Variants in IYD observed in about 807,000 individuals in gnomAD.
IYD encodes iodotyrosine deiodinase 1.
In IYD, 25 loss-of-function variants were observed where a neutral mutation model predicts 28.4. That is an observed-to-expected ratio of 0.88 (90% confidence interval 0.64 to 1.23). The LOEUF (loss-of-function observed/expected upper bound fraction) is 1.23, where lower values mean the gene tolerates loss of function less well. Ranked by LOEUF, IYD falls within the 50% of genes most tolerant of loss-of-function variation. IYD has a pLI of 0.00. For synonymous variants in IYD, 140 were observed against 130.8 expected (o/e 1.07, Z -0.48); for missense variants, 352 against 357.9 (o/e 0.98, Z 0.13).
At chr6:150,370,218 C>T (rs1324887123) in intron 1 of IYD, among the ~76,000 whole-genome samples, 6 of 142,182 alleles carry the variant, frequency 4.2e-5, no homozygotes, top group South Asian at 2.2e-4. Flanking sequence ...TGTGTGTGTG[C>T]GCGTGCGTGT....
At chr6:150,372,998 A>G (rs1181953772) in intron 1 of IYD, among the ~76,000 whole-genome samples, 1 of 152,210 alleles carries the variant, frequency 6.6e-6, no homozygotes, top group Non-Finnish European at 1.5e-5. Context: ...GCTCAGATTC[A>G]TAGAAGTCCA....
Position 150,398,912 on chromosome 6 carries a change from G to GTA in IYD, c.*676_*677dup, listed in dbSNP as rs1778424319. ...CAAAAAATTAGCTGGGCATGCACTT[G>GTA]TAATTCCAGCTACTCAGGAGGCTGA... On this transcript the variant is annotated 3_prime_UTR_variant, in exon 5 of 5. Transcript: ENST00000344419. 6.6e-6 allele frequency: 1 copy of GTA among 152,272 alleles called. No homozygotes were observed. Among genetic ancestry groups the GTA allele is most frequent in the Admixed American group, 6.6e-5 (1 of 15,264 alleles). The allele number at this position is 152,272 out of a possible 1,614,324, so 9.4% of individuals were successfully genotyped here. A position where few individuals can be genotyped will look rare whatever the true frequency, so the allele number is the denominator to read the frequency against.
At chr6:150,370,316 T>C (rs1430214579) in intron 1 of IYD, among the ~76,000 whole-genome samples, 1 of 151,326 alleles carries the variant, frequency 6.6e-6, no homozygotes, top group African/African-American at 2.4e-5. Flanking sequence ...TGAGTGTGTG[T>C]GCACGAGTGG....
Position 150,400,916 on chromosome 6 carries a change from T to A in IYD, c.*2679T>A, listed in dbSNP as rs1754473886. 3 of 152,172 alleles carry A rather than the reference T, an allele frequency of 2.0e-5. No homozygotes were observed. The highest frequency in any genetic ancestry group is 2.0e-4 in the Admixed American group (3 of 15,278). The allele number at this position is 152,172 out of a possible 1,614,324, so 9.4% of individuals were successfully genotyped here. A position where few individuals can be genotyped will look rare whatever the true frequency, so the allele number is the denominator to read the frequency against. On this transcript the variant is annotated 3_prime_UTR_variant, in exon 5 of 5. Transcript: ENST00000344419. ...AAATCTCATAGGTATAAAAGACAAC[T>A]GGGAATGTTGAATGTGGATCTGGTG...
At chr6:150,369,327 C>A (rs1220910715) in intron 1 of IYD, 118 bp downstream of exon 1, 3 of 940,806 alleles carry the variant, frequency 3.2e-6, no homozygotes, top group African/African-American at 1.6e-5. Flanking sequence ...TCAACATCAA[C>A]CTCTATTGTG....
intron 1 of IYD, among the ~76,000 whole-genome samples, chr6:150,374,896 A>T (rs1449354572): frequency 6.6e-6 from 1 of 152,172 alleles, no homozygotes; most frequent in Non-Finnish European, 1.5e-5. Context: ...CCTAGATTTT[A>T]TGACCTGCTT....
At chr6:150,372,136 T>C (rs1265036284) in intron 1 of IYD, among the ~76,000 whole-genome samples, 3 of 152,220 alleles carry the variant, frequency 2.0e-5, no homozygotes, top group Admixed American at 6.5e-5. Flanking sequence ...AAAATAAGTA[T>C]TGTAGGCCAT....
chr6:150,385,935 T>G (rs181497585), intron 1 of IYD, among the ~76,000 whole-genome samples: 58 of 152,166 alleles, frequency 3.8e-4, no homozygotes, highest in Non-Finnish European at 4.4e-5. Context: ...TCATACTATT[T>G]GTTGAATGAC....
At chr6:150,380,277 T>G (rs559190564) in intron 1 of IYD, among the ~76,000 whole-genome samples, 2 of 152,174 alleles carry the variant, frequency 1.3e-5, no homozygotes, top group Non-Finnish European at 2.9e-5. Flanking sequence ...CCAGAGATTT[T>G]TATTCCACTG....
At position 150,399,662 on chromosome 6, in the gene IYD, A is replaced by T. The variant is rs1778447848; in HGVS notation, c.*1425A>T. 6.6e-6 allele frequency: 1 copy of T among 152,302 alleles called. No homozygotes were observed. Among genetic ancestry groups the T allele is most frequent in the East Asian group, 1.9e-4 (1 of 5,180 alleles). 9.4% of individuals were successfully genotyped at this position (152,302 alleles called of 1,614,324 possible). A position where few individuals can be genotyped will look rare whatever the true frequency, so the allele number is the denominator to read the frequency against. On this transcript the variant is annotated 3_prime_UTR_variant, in exon 5 of 5. Transcript: ENST00000344419. Reference sequence around the variant, plus strand: ...TCCATAGAGTATGTGGCTGATAAACAACAGAAATTTGTTTCTCACAGTTCT... The same window carrying T: ...TCCATAGAGTATGTGGCTGATAAACTACAGAAATTTGTTTCTCACAGTTCT...
At chr6:150,390,750 G>A (rs1240307215) in intron 2 of IYD, among the ~76,000 whole-genome samples, 1 of 152,150 alleles carries the variant, frequency 6.6e-6, no homozygotes. Flanking sequence ...GTTGAGGGAC[G>A]ACACCCAGAT....
intron 3 of IYD, among the ~76,000 whole-genome samples, chr6:150,393,460 T>C (rs658946): frequency 0.89 from 135,438 of 152,256 alleles, 60,371 homozygotes; most frequent in African/African-American, 0.95. Flanking sequence ...TGCTTTGGAA[T>C]GAGGAAGCAT....
intron 1 of IYD, among the ~76,000 whole-genome samples, chr6:150,382,660 C>T (rs1392077655): frequency 1.3e-5 from 2 of 152,168 alleles, no homozygotes; most frequent in African/African-American, 4.8e-5. Context: ...TTTCTCTTTC[C>T]ATGCTACATT....
intron 1 of IYD, among the ~76,000 whole-genome samples, chr6:150,377,901 G>T (rs959034254): frequency 6.6e-6 from 1 of 152,098 alleles, no homozygotes; most frequent in Non-Finnish European, 1.5e-5. Context: ...TTGGCATTTC[G>T]CTGGGCCAGG....
chr6:150,387,565 C>T (rs1777921813), intron 1 of IYD, among the ~76,000 whole-genome samples: 1 of 151,902 alleles, frequency 6.6e-6, no homozygotes, highest in South Asian at 2.1e-4. Flanking sequence ...ATCAAATGAT[C>T]AAATGTATAT....
chr6:150,404,975 A>T lies in IYD; in HGVS notation c.*6738A>T, dbSNP rs1481916539. 6.6e-6 allele frequency: 1 copy of T among 152,230 alleles called. No individual in the cohort carries two copies. The highest frequency in any genetic ancestry group is 6.5e-5 in the Admixed American group (1 of 15,286). The allele number at this position is 152,230 out of a possible 1,614,324, so 9.4% of individuals were successfully genotyped here. A position where few individuals can be genotyped will look rare whatever the true frequency, so the allele number is the denominator to read the frequency against. ...ATGCTGTTATAGCTTCACCAATCAC[A>T]ACAAGCACAGTGCTTGGAACATAAT... On this transcript the variant is annotated 3_prime_UTR_variant, in exon 5 of 5. Coordinates refer to ENST00000344419, the MANE Select transcript of IYD (RefSeq NM_203395.3).
At chr6:150,381,475 G>A (rs1006842454) in intron 1 of IYD, among the ~76,000 whole-genome samples, 6 of 152,098 alleles carry the variant, frequency 3.9e-5, no homozygotes, top group Non-Finnish European at 7.3e-5. Context: ...ATTGTGAAAT[G>A]CACTCACTGA....
rs754408425 is a variant in IYD at position 150,383,793 on chromosome 6, TAAAAAA to T, written c.179-5549_179-5544del. 1.0e-3 allele frequency among the ~76,000 whole-genome samples: 57 copies of T among 57,240 alleles called. 1 individual carries two copies. Among genetic ancestry groups the T allele is most frequent in the East Asian group, 5.4e-3 (12 of 2,212 alleles). 37.6% of individuals were successfully genotyped at this position (57,240 alleles called of 152,430 possible). A position where few individuals can be genotyped will look rare whatever the true frequency, so the allele number is the denominator to read the frequency against. ...ATGCAACATAATGAGACCAAGTCTC[TAAAAAA>T]AAAAAAAAACAAAAACAAAAACAAA... On this transcript the variant is annotated intron_variant, in intron 1 of 4. Coordinates refer to ENST00000344419, the MANE Select transcript of IYD (RefSeq NM_203395.3).
intron 1 of IYD, 45 bp from the exon 2 acceptor site, chr6:150,389,307 C>T (rs1399110334): frequency 1.3e-5 from 20 of 1,497,858 alleles, no homozygotes; most frequent in Non-Finnish European, 1.8e-5. Flanking sequence ...CACCTTATGA[C>T]CAAGGGATCA....
Sources: allele counts gnomAD v4.1 joint callset (sites outside exome capture counted in the v4.1 genomes callset), GRCh38; gene constraint gnomAD v4.1.1; transcripts MANE v1.5; gene names NCBI Gene and HGNC (gene_info 2026-07-23, HGNC 2026-07-21).